Variants in IL6ST observed in about 807,000 individuals in gnomAD.
IL6ST encodes the protein interleukin-6 receptor subunit beta.
IL6ST carries 24 observed loss-of-function variants against 91.3 expected under a neutral mutation model. The ratio of observed to expected loss-of-function variants is 0.26; its 90% CI spans 0.19 to 0.37. IL6ST has a LOEUF of 0.37. Ranked by LOEUF, IL6ST falls within the 10% of genes least tolerant of loss-of-function variation. The pLI is 1.00. For missense variants in IL6ST, 914 were observed against 1,078.5 expected, an observed-to-expected ratio of 0.85 and a Z score of 2.14; for synonymous variants, 351 against 373.6, an observed-to-expected ratio of 0.94 and a Z score of 0.70.
chr5:55,947,196 T>C (rs1751320682), intron 15 of IL6ST, among the ~76,000 whole-genome samples: 1 of 152,084 alleles, frequency 6.6e-6, no homozygotes, highest in South Asian at 2.1e-4. Flanking sequence ...TGAAACTCTG[T>C]CTCAAAATAG....
At chr5:55,967,278 C>A (rs1334771507) in intron 5 of IL6ST, among the ~76,000 whole-genome samples, 1 of 116,870 alleles carries the variant, frequency 8.6e-6, no homozygotes, top group Non-Finnish European at 1.6e-5. Flanking sequence ...CCACTGTACT[C>A]CAGCCTAGGT....
chr5:55,988,630 GTGGCGCACACC>G (rs1422479372), intron 1 of IL6ST, among the ~76,000 whole-genome samples: 2 of 151,828 alleles, frequency 1.3e-5, no homozygotes. Flanking sequence ...GCCGGGAGTG[GTGGCGCACACC>G]TGTAATCTCA....
At chr5:55,981,548 T>C (rs1580859734) in intron 2 of IL6ST, among the ~76,000 whole-genome samples, 2 of 151,964 alleles carry the variant, frequency 1.3e-5, no homozygotes, top group East Asian at 3.9e-4. Context: ...GAGGCTGAGG[T>C]AGGAGAATCA....
chr5:55,963,043 A>T (rs1021594111), intron 7 of IL6ST, among the ~76,000 whole-genome samples: 1 of 151,900 alleles, frequency 6.6e-6, no homozygotes, highest in Non-Finnish European at 1.5e-5. Context: ...CGAGTTCAAA[A>T]TTGCAGTGAG....
intron 1 of IL6ST, among the ~76,000 whole-genome samples, chr5:55,989,894 A>G (rs1201110121): frequency 2.0e-5 from 3 of 152,090 alleles, no homozygotes; most frequent in East Asian, 3.9e-4. Flanking sequence ...ATCCCAGAGC[A>G]TGCCAGTCTA....
rs1754582746 is a variant in IL6ST at position 55,994,955 on chromosome 5, G to C, written c.-275C>G. ...CTGCTCGCCCCGGCTCCGGAACACT[G>C]TCAGATCCTTCTCCGCAGAGGTAGC... On this transcript the variant is annotated 5_prime_UTR_variant, in exon 1 of 17. Transcript: ENST00000381298. The C allele has an allele frequency of 6.6e-6, 1 of 152,214 alleles. No homozygotes were observed. The highest frequency in any genetic ancestry group is 2.1e-4 in the South Asian group (1 of 4,858). 9.4% of individuals were successfully genotyped at this position (152,214 alleles called of 1,614,324 possible).
intron 15 of IL6ST, among the ~76,000 whole-genome samples, 196 bp from the exon 16 acceptor site, chr5:55,942,947 G>A (rs1191658994): frequency 6.6e-6 from 1 of 151,934 alleles, no homozygotes; most frequent in Non-Finnish European, 1.5e-5. Flanking sequence ...AATGCATAAG[G>A]ATTATAATGT....
At chr5:55,956,573 T>G (rs558911748) in intron 9 of IL6ST, among the ~76,000 whole-genome samples, 1 of 152,332 alleles carries the variant, frequency 6.6e-6, no homozygotes, top group East Asian at 1.9e-4. Flanking sequence ...ACTCATGCAC[T>G]TACCAGCATA....
chr5:55,958,736 G>A (rs1752129187), intron 8 of IL6ST, among the ~76,000 whole-genome samples: 1 of 151,848 alleles, frequency 6.6e-6, no homozygotes, highest in Non-Finnish European at 1.5e-5. Flanking sequence ...CTATGTTGGG[G>A]GCTGAGGCAT....
Position 55,939,366 on chromosome 5 carries a change from G to A in IL6ST, c.*1716C>T, listed in dbSNP as rs1190804491. Reference sequence around the variant, plus strand: ...AAACATCTATTTTTTTCATAAAGAAGATCATATAATATGTGAAAGAACTTT... The same window carrying A: ...AAACATCTATTTTTTTCATAAAGAAAATCATATAATATGTGAAAGAACTTT... On this transcript the variant is annotated 3_prime_UTR_variant, in exon 17 of 17. Transcript: ENST00000381298. 5.0e-6 allele frequency: 1 copy of A among 199,834 alleles called. No homozygotes were observed. Among genetic ancestry groups the A allele is most frequent in the African/African-American group, 2.3e-5 (1 of 43,114 alleles). 12.4% of individuals were successfully genotyped at this position (199,834 alleles called of 1,614,324 possible).
chr5:55,946,088 A>G (rs1266358122), intron 15 of IL6ST, among the ~76,000 whole-genome samples: 1 of 152,212 alleles, frequency 6.6e-6, no homozygotes, highest in Admixed American at 6.5e-5. Context: ...GAAAATGGGT[A>G]AAAGATTTCA....
chr5:55,944,098 A>G (rs1302588273), intron 15 of IL6ST, among the ~76,000 whole-genome samples: 2 of 152,096 alleles, frequency 1.3e-5, no homozygotes, highest in Non-Finnish European at 2.9e-5. Context: ...AAACCCCACA[A>G]AGCAAAAACT....
intron 1 of IL6ST, among the ~76,000 whole-genome samples, chr5:55,983,345 AACTTCCCTGACGTCTATGTAATG>A (rs1753773192): frequency 6.6e-6 from 1 of 152,180 alleles, no homozygotes; most frequent in Non-Finnish European, 1.5e-5. Flanking sequence ...ACCTAATGCA[AACTTCCCTGACGTCTATGTAATG>A]TCACAGAAAC....
intron 15 of IL6ST, among the ~76,000 whole-genome samples, chr5:55,943,854 G>T (rs540957785): frequency 6.6e-6 from 1 of 152,254 alleles, no homozygotes; most frequent in Admixed American, 6.5e-5. Flanking sequence ...TGGATTACCT[G>T]AGGTCAGGAG....
intron 3 of IL6ST, among the ~76,000 whole-genome samples, chr5:55,972,615 T>C (rs1400622988): frequency 3.3e-5 from 5 of 152,182 alleles, no homozygotes; most frequent in Non-Finnish European, 7.3e-5. Flanking sequence ...CAGGCTGAGA[T>C]TAAATTGTAA....
chr5:55,990,794 T>C (rs1754275806), intron 1 of IL6ST, among the ~76,000 whole-genome samples: 1 of 152,114 alleles, frequency 6.6e-6, no homozygotes, highest in Admixed American at 6.6e-5. Flanking sequence ...GTGCACAACA[T>C]GCAGGTTACA....
intron 16 of IL6ST, 58 bp downstream of exon 16, chr5:55,942,608 TACTC>T (rs1750987914): frequency 1.2e-6 from 1 of 818,920 alleles, no homozygotes; most frequent in African/African-American, 1.7e-5. Flanking sequence ...TAACTGTAGA[TACTC>T]AATATACCTA....
intron 3 of IL6ST, among the ~76,000 whole-genome samples, chr5:55,973,049 C>T (rs1013620697): frequency 1.3e-5 from 2 of 151,500 alleles, no homozygotes; most frequent in South Asian, 2.1e-4. Context: ...ATACTATAAC[C>T]GATATTACAA....
chr5:55,982,332 A>AT (rs1186213855), intron 2 of IL6ST, among the ~76,000 whole-genome samples: 1 of 152,194 alleles, frequency 6.6e-6, no homozygotes, highest in African/African-American at 2.4e-5. Flanking sequence ...GTAGAACAGT[A>AT]TATGAACTAA....
Sources: allele counts gnomAD v4.1 joint callset (sites outside exome capture counted in the v4.1 genomes callset), GRCh38; gene constraint gnomAD v4.1.1; transcripts MANE v1.5; gene names NCBI Gene and HGNC (gene_info 2026-07-23, HGNC 2026-07-21).